Variants in ROBO1 observed in about 807,000 individuals in gnomAD.
ROBO1 encodes roundabout guidance receptor 1, also known as roundabout homolog 1.
ROBO1 carries 149 observed loss-of-function variants against 195.9 expected under a neutral mutation model. The ratio of observed to expected loss-of-function variants is 0.76; its 90% CI spans 0.67 to 0.87. The LOEUF (loss-of-function observed/expected upper bound fraction) is 0.87. Among genes scored for constraint, ROBO1 ranks in the 40% least tolerant of loss-of-function variants. The pLI is 0.00. For synonymous variants in ROBO1, 816 were observed against 733.2 expected (o/e 1.11, Z -1.82); for missense variants, 1,933 against 2,068.3 (o/e 0.93, Z 1.27).
intron 3 of ROBO1, among the ~76,000 whole-genome samples, chr3:78,990,778 T>A (rs1041772447): frequency 7.9e-5 from 12 of 152,140 alleles, no homozygotes; most frequent in African/African-American, 2.9e-4. Flanking sequence ...TTTCAGTAAC[T>A]AGCACTCATA....
intron 1 of ROBO1, among the ~76,000 whole-genome samples, chr3:79,713,136 C>T (rs552963238): frequency 6.6e-6 from 1 of 151,632 alleles, no homozygotes; most frequent in South Asian, 2.1e-4. Context: ...AGAAAAGATC[C>T]TTTTCAAAAT....
chr3:79,433,685 G>T (rs1159774744), intron 2 of ROBO1, among the ~76,000 whole-genome samples: 1 of 152,136 alleles, frequency 6.6e-6, no homozygotes, highest in East Asian at 1.9e-4. Context: ...TTTCTTCACA[G>T]AATTGGAAAA....
chr3:78,881,775 G>C (rs1165999371), intron 4 of ROBO1, among the ~76,000 whole-genome samples: 1 of 152,164 alleles, frequency 6.6e-6, no homozygotes, highest in Non-Finnish European at 1.5e-5. Flanking sequence ...CTTTCCAGTT[G>C]TTTCACTAGA....
At chr3:78,775,167 G>GGC (rs1452108300) in intron 4 of ROBO1, among the ~76,000 whole-genome samples, 1 of 152,138 alleles carries the variant, frequency 6.6e-6, no homozygotes, top group Non-Finnish European at 1.5e-5. Context: ...AAACCATCCA[G>GGC]TGAAATGCTA....
chr3:78,779,424 AC>A (rs1039869928), intron 4 of ROBO1, among the ~76,000 whole-genome samples: 41 of 152,236 alleles, frequency 2.7e-4, no homozygotes, highest in African/African-American at 9.6e-4. Context: ...AAAGCAAACA[AC>A]CCCATCAAAA....
chr3:79,620,204 G>A (rs1048646920), intron 1 of ROBO1, among the ~76,000 whole-genome samples: 4 of 152,110 alleles, frequency 2.6e-5, no homozygotes, highest in Non-Finnish European at 5.9e-5. Flanking sequence ...AACTCACCCG[G>A]CAACCACTCC....
At chr3:78,858,899 T>C (rs922536980) in intron 4 of ROBO1, among the ~76,000 whole-genome samples, 12 of 152,170 alleles carry the variant, frequency 7.9e-5, no homozygotes, top group African/African-American at 2.9e-4. Flanking sequence ...ATGTCAGGTG[T>C]TCTAGGACTT....
At chr3:78,947,622 G>A (rs1320074772) in intron 3 of ROBO1, among the ~76,000 whole-genome samples, 2 of 152,050 alleles carry the variant, frequency 1.3e-5, no homozygotes, top group Non-Finnish European at 2.9e-5. Context: ...AACCAGAAAA[G>A]CAAAAGTAAA....
intron 3 of ROBO1, among the ~76,000 whole-genome samples, chr3:79,055,890 G>A (rs2078798222): frequency 2.0e-5 from 3 of 152,018 alleles, no homozygotes; most frequent in South Asian, 4.1e-4. Flanking sequence ...GGAAAAACTG[G>A]AGGTTTTCAC....
chr3:79,592,333 T>C (rs903371126), intron 1 of ROBO1, among the ~76,000 whole-genome samples: 1 of 151,988 alleles, frequency 6.6e-6, no homozygotes, highest in African/African-American at 2.4e-5. Context: ...ATTTCAAATA[T>C]CTGTAAGGTA....
At chr3:79,711,333 A>T (rs967968170) in intron 1 of ROBO1, among the ~76,000 whole-genome samples, 2 of 152,174 alleles carry the variant, frequency 1.3e-5, no homozygotes, top group Non-Finnish European at 2.9e-5. Context: ...TAATGTATAT[A>T]AAAAGTTTAG....
chr3:78,761,498 A>G (rs2083104618), intron 4 of ROBO1, among the ~76,000 whole-genome samples: 1 of 152,204 alleles, frequency 6.6e-6, no homozygotes, highest in Non-Finnish European at 1.5e-5. Context: ...AAGTACTTCT[A>G]CTGAACTTAG....
chr3:79,171,994 C>T (rs894568940), intron 2 of ROBO1, among the ~76,000 whole-genome samples: 12 of 151,812 alleles, frequency 7.9e-5, no homozygotes, highest in Non-Finnish European at 1.8e-4. Flanking sequence ...TATAACACTA[C>T]AATATATAAA....
rs111410783 is a variant in ROBO1, at chr3:79,733,723, C to T, written c.-51+34029G>A. On this transcript the variant is annotated intron_variant, in intron 1 of 30. Transcript: ENST00000464233. ...ATGGTATAGGAGTATTTTTGCTGTA[C>T]TATCATATTCTCTGTACTTACTCTA... Among the ~76,000 whole-genome samples, 264 of 152,216 alleles carry T rather than the reference C, an allele frequency of 1.7e-3. 3 individuals carry two copies. The highest frequency in any genetic ancestry group is 3.1e-3 in the Non-Finnish European group (210 of 68,014).
intron 3 of ROBO1, among the ~76,000 whole-genome samples, chr3:79,118,383 C>T (rs2108553666): frequency 6.6e-6 from 1 of 152,050 alleles, no homozygotes; most frequent in East Asian, 1.9e-4. Context: ...GTAGCTGCTA[C>T]AACCCAAGTA....
At chr3:78,801,558 A>G (rs764633219) in intron 4 of ROBO1, among the ~76,000 whole-genome samples, 6 of 152,286 alleles carry the variant, frequency 3.9e-5, no homozygotes, top group Middle Eastern at 3.4e-3. Flanking sequence ...ACAAATTTTT[A>G]AATAGAAAAA....
At chr3:78,958,005 T>A (rs2041134189) in intron 3 of ROBO1, among the ~76,000 whole-genome samples, 1 of 152,328 alleles carries the variant, frequency 6.6e-6, no homozygotes, top group Non-Finnish European at 1.5e-5. Context: ...GCACAGAAAC[T>A]ACAAGTGACA....
chr3:79,709,601 T>C (rs955144849), intron 1 of ROBO1, among the ~76,000 whole-genome samples: 2 of 152,146 alleles, frequency 1.3e-5, no homozygotes, highest in Non-Finnish European at 2.9e-5. Flanking sequence ...AAACTATCAA[T>C]GGGTCAGACA....
At chr3:79,611,536 A>C (rs1209741942) in intron 1 of ROBO1, among the ~76,000 whole-genome samples, 1 of 152,126 alleles carries the variant, frequency 6.6e-6, no homozygotes, top group East Asian at 1.9e-4. Flanking sequence ...GCACATATAC[A>C]CTATGGAATA....
Sources: allele counts gnomAD v4.1 joint callset (sites outside exome capture counted in the v4.1 genomes callset), GRCh38; gene constraint gnomAD v4.1.1; transcripts MANE v1.5; gene names NCBI Gene and HGNC (gene_info 2026-07-23, HGNC 2026-07-21).